The following POLR3A variants were observed in gnomAD, a reference collection of about 807,000 sequenced individuals.
POLR3A encodes RNA polymerase III subunit A.
A neutral mutation model predicts 152.8 loss-of-function variants in POLR3A; 112 were observed. That is an observed-to-expected ratio of 0.73 (90% CI 0.63 to 0.86). The LOEUF is 0.86. Ranked by LOEUF, POLR3A falls within the 40% of genes least tolerant of loss-of-function variation. The pLI is 0.00. For synonymous variants in POLR3A, 615 were observed against 652.1 expected (o/e 0.94, Z 0.87); for missense variants, 1,385 against 1,743.1 (o/e 0.79, Z 3.66).
chr10:78,001,684 T>TA (rs1847358823), intron 17 of POLR3A, among the ~76,000 whole-genome samples: 1 of 152,196 alleles, frequency 6.6e-6, no homozygotes, highest in East Asian at 1.9e-4. Context: ...TTAAGTACAT[T>TA]AAAAAATCCC....
intron 1 of POLR3A, 85 bp from the exon 2 acceptor site, chr10:78,026,314 C>T: frequency 7.2e-7 from 1 of 1,389,050 alleles, no homozygotes; most frequent in Non-Finnish European, 1.0e-6. Flanking sequence ...CATAACCAAC[C>T]TATCCTTCCA....
chr10:77,990,577 G>A (rs1847237927), intron 21 of POLR3A, among the ~76,000 whole-genome samples: 1 of 151,766 alleles, frequency 6.6e-6, no homozygotes, highest in Non-Finnish European at 1.5e-5. Flanking sequence ...TTGTTGGCTG[G>A]TGAGATTTTG....
At chr10:78,024,493 T>TGCGGAAGAGGCAGGCGGGAGGCAG in intron 5 of POLR3A, 56 bp downstream of exon 5, 1 of 1,588,528 alleles carries the variant, frequency 6.3e-7, no homozygotes, top group South Asian at 1.1e-5. Flanking sequence ...GCATGTGACG[T>TGCGGAAGAGGCAGGCGGGAGGCAG]GCGGAAGAGG....
chr10:77,982,345 G>A, intron 27 of POLR3A, 27 bp from the exon 28 acceptor site: 3 of 1,612,854 alleles, frequency 1.9e-6, no homozygotes, highest in Admixed American at 1.7e-5. Flanking sequence ...AGAAAGCTGT[G>A]AGGACGGGGT....
intron 14 of POLR3A, among the ~76,000 whole-genome samples, chr10:78,008,802 G>A (rs1847435113): frequency 1.3e-5 from 2 of 150,914 alleles, no homozygotes; most frequent in Admixed American, 1.3e-4. Context: ...TTGAGCCTAG[G>A]AGTTCGAGAC....
At chr10:77,988,982 A>G (rs1326870211) in intron 21 of POLR3A, among the ~76,000 whole-genome samples, 1 of 152,098 alleles carries the variant, frequency 6.6e-6, no homozygotes, top group East Asian at 1.9e-4. Context: ...ACCTAAAACA[A>G]TCTGCCGGCT....
intron 2 of POLR3A, 37 bp downstream of exon 2, chr10:78,026,057 C>A (rs758231686): frequency 2.5e-6 from 4 of 1,612,772 alleles, no homozygotes; most frequent in African/African-American, 2.7e-5. Context: ...ATCAGCAGGG[C>A]AAGACACAGT....
intron 20 of POLR3A, 99 bp from the exon 21 acceptor site, chr10:77,991,266 G>A: frequency 1.3e-6 from 1 of 749,556 alleles, no homozygotes; most frequent in South Asian, 1.4e-5. Context: ...CCTTACCCAA[G>A]GTGAGCTTTT....
chr10:77,977,470 T>C lies in POLR3A; in HGVS notation c.*8A>G. The C allele has an allele frequency of 1.2e-6, 2 of 1,613,890 alleles. No individual in the cohort carries two copies. The highest frequency in any genetic ancestry group is 1.1e-5 in the South Asian group (1 of 91,070). On this transcript the variant is annotated 3_prime_UTR_variant, in exon 31 of 31. Transcript: ENST00000372371. ...TCAAGGTCAGGCATGGTCCCCTCTT[T>C]CTTTGGACTATGTGACAAGGGGGAT... is the stretch of plus-strand genomic sequence containing the variant.
At chr10:78,015,900 T>C (rs1259273759) in intron 10 of POLR3A, among the ~76,000 whole-genome samples, 1 of 152,228 alleles carries the variant, frequency 6.6e-6, no homozygotes, top group African/African-American at 2.4e-5. Context: ...GTTAACCCTC[T>C]ACATTCTCAC....
intron 11 of POLR3A, among the ~76,000 whole-genome samples, chr10:78,010,750 A>G (rs571781529): frequency 1.3e-4 from 20 of 152,324 alleles, no homozygotes; most frequent in African/African-American, 4.3e-4. Flanking sequence ...AATACCAGCA[A>G]GATTGACCTA....
intron 14 of POLR3A, among the ~76,000 whole-genome samples, chr10:78,009,199 A>C (rs1847440330): frequency 6.6e-6 from 1 of 151,568 alleles, no homozygotes; most frequent in South Asian, 2.1e-4. Context: ...TAAATAGTAA[A>C]ATCCTTGTTT....
intron 30 of POLR3A, among the ~76,000 whole-genome samples, chr10:77,978,294 T>G (rs1847107917): frequency 6.6e-6 from 1 of 152,216 alleles, no homozygotes; most frequent in Non-Finnish European, 1.5e-5. Flanking sequence ...GGCTACTGTG[T>G]TGTAGACTTT....
chr10:78,024,367 T>A (rs1347519325), intron 5 of POLR3A, among the ~76,000 whole-genome samples, 182 bp downstream of exon 5: 1 of 118,314 alleles, frequency 8.5e-6, no homozygotes, highest in South Asian at 2.6e-4. Context: ...CTGTCTTCCA[T>A]CTCAAAAAAA....
At chr10:78,024,766 G>GT (rs1397960825) in intron 4 of POLR3A, 63 bp from the exon 5 acceptor site, 5 of 1,478,458 alleles carry the variant, frequency 3.4e-6, no homozygotes, top group Non-Finnish European at 4.7e-6. Flanking sequence ...GCCAGAGATT[G>GT]TAGTATGGTT....
chr10:77,998,354 G>C (rs559474636), intron 19 of POLR3A, among the ~76,000 whole-genome samples: 27 of 152,218 alleles, frequency 1.8e-4, no homozygotes, highest in South Asian at 1.0e-3. Flanking sequence ...ACTACCATCA[G>C]AGTGAACAGG....
chr10:77,985,330 C>T lies in POLR3A; in HGVS notation c.3082G>A (p.Glu1028Lys). 1 of 1,613,998 alleles carries T rather than the reference C, an allele frequency of 6.2e-7. No homozygotes were observed. Among genetic ancestry groups the T allele is most frequent in the Non-Finnish European group, 8.5e-7 (1 of 1,179,856 alleles). ...CRDKYMRAQM[E>K]PGSAVGALCA... ...AGAGCACCCACTGCAGAACCTGGCTCCATCTGTGCCCTAGAAGGCAAAGGT... is the reference window on the plus strand; with the variant it reads ...AGAGCACCCACTGCAGAACCTGGCTTCATCTGTGCCCTAGAAGGCAAAGGT... Residue 1028 changes from glutamate (E) to lysine (K), a missense_variant, in exon 24 of 31, where the codon GAG becomes AAG. Transcript: ENST00000372371.
chr10:77,981,664 G>A (rs538901575), intron 28 of POLR3A, 105 bp from the exon 29 acceptor site: 705 of 1,383,306 alleles, frequency 5.1e-4, no homozygotes, highest in Admixed American at 7.1e-4. Flanking sequence ...ACCCTGTGCC[G>A]TTTTCCAGAA....
rs140514082 is a variant in POLR3A at position 78,026,030 on chromosome 10, G to C, written c.180+64C>G. 2.6e-5 allele frequency: 42 copies of C among 1,594,570 alleles called. No homozygotes were observed. In the African/African-American group the frequency reaches 4.4e-4, roughly 17 times the overall value. On this transcript the variant is annotated intron_variant, in intron 2 of 30. Coordinates refer to ENST00000372371, the MANE Select transcript of POLR3A (RefSeq NM_007055.4). ...AGGAAGCCCCTGCTCCTTTCAATCT[G>C]GTAAGTCACCAGTTTTATCAGCAGG...
Sources: gnomAD v4.1 joint callset for allele counts (sites outside exome capture counted in the v4.1 genomes callset) on GRCh38, gnomAD v4.1.1 for gene constraint, MANE v1.5 for transcripts, NCBI Gene and HGNC (gene_info 2026-07-23, HGNC 2026-07-21) for gene names.